Variants in HSD17B2 observed in about 807,000 individuals in gnomAD.
The protein encoded by HSD17B2 is 17-beta-hydroxysteroid dehydrogenase type 2.
In HSD17B2, 32 loss-of-function variants were observed where a neutral mutation model predicts 26.9. That is an observed-to-expected ratio of 1.19 (90% CI 0.90 to 1.60). HSD17B2 has a LOEUF of 1.60. Among genes scored for constraint, HSD17B2 ranks in the 40% most tolerant of loss-of-function variants. HSD17B2 has a pLI of 0.00. For missense variants in HSD17B2, 613 were observed against 468.6 expected (o/e 1.31, Z -2.85); for synonymous variants, 246 against 186.7 (o/e 1.32, Z -2.59).
intron 1 of HSD17B2, among the ~76,000 whole-genome samples, chr16:82,045,230 G>A (rs1913888972): frequency 6.6e-6 from 1 of 152,034 alleles, no homozygotes; most frequent in Non-Finnish European, 1.5e-5. Context: ...AAATGGTCCA[G>A]GGAGGTTTGA....
intron 3 of HSD17B2, among the ~76,000 whole-genome samples, chr16:82,084,031 G>T (rs1243007789): frequency 6.6e-6 from 1 of 152,154 alleles, no homozygotes; most frequent in Non-Finnish European, 1.5e-5. Context: ...GTGTGCAATT[G>T]CATGCTATGC....
chr16:82,037,918 ATAGT>A (rs946640822), intron 1 of HSD17B2, among the ~76,000 whole-genome samples: 2 of 152,250 alleles, frequency 1.3e-5, no homozygotes, highest in Non-Finnish European at 2.9e-5. Flanking sequence ...TGTGCTGGAA[ATAGT>A]TTGTAAATGA....
intron 1 of HSD17B2, among the ~76,000 whole-genome samples, chr16:82,059,840 A>T (rs558681102): frequency 6.6e-6 from 1 of 152,176 alleles, no homozygotes; most frequent in Non-Finnish European, 1.5e-5. Context: ...TCAGTTGCTC[A>T]TCTTAACACA....
chr16:82,057,143 G>T (rs73603062), intron 1 of HSD17B2, among the ~76,000 whole-genome samples: 9,289 of 151,878 alleles, frequency 0.061, 919 homozygotes, highest in African/African-American at 0.2. Flanking sequence ...TCCAAATAAT[G>T]TATAGAGCTA....
chr16:82,081,356 T>A (rs1346335930), intron 3 of HSD17B2, among the ~76,000 whole-genome samples: 2 of 152,096 alleles, frequency 1.3e-5, no homozygotes, highest in Non-Finnish European at 2.9e-5. Flanking sequence ...TCCTTCCTCC[T>A]CCCCACTAAC....
At chr16:82,042,613 T>A (rs1020891876) in intron 1 of HSD17B2, among the ~76,000 whole-genome samples, 26 of 151,770 alleles carry the variant, frequency 1.7e-4, no homozygotes, top group Admixed American at 3.3e-4. Context: ...ATATTATATT[T>A]TATTTTATTT....
At chr16:82,075,057 C>G (rs1904294469) in intron 3 of HSD17B2, among the ~76,000 whole-genome samples, 1 of 152,052 alleles carries the variant, frequency 6.6e-6, no homozygotes, top group Non-Finnish European at 1.5e-5. Context: ...ATTTTGGAAA[C>G]TATATAAGCA....
At chr16:82,039,057 A>G (rs1259895782) in intron 1 of HSD17B2, among the ~76,000 whole-genome samples, 1 of 152,142 alleles carries the variant, frequency 6.6e-6, no homozygotes, top group Non-Finnish European at 1.5e-5. Flanking sequence ...CTTTGGGGAA[A>G]GAATCGCAGG....
chr16:82,053,388 C>T (rs1351724643), intron 1 of HSD17B2, among the ~76,000 whole-genome samples: 1 of 152,006 alleles, frequency 6.6e-6, no homozygotes, highest in Admixed American at 6.5e-5. Context: ...AAGAGAAGAT[C>T]GAAATATCAT....
intron 2 of HSD17B2, among the ~76,000 whole-genome samples, chr16:82,069,360 G>C (rs563237550): frequency 1.3e-5 from 2 of 152,054 alleles, no homozygotes; most frequent in Admixed American, 6.6e-5. Flanking sequence ...TTGTGACTAG[G>C]GCTGCAACGA....
rs1904385200 is a variant in HSD17B2 at position 82,081,707 on chromosome 16, T to A, written c.665-9195T>A. Among the ~76,000 whole-genome samples the A allele has an allele frequency of 3.9e-5, 6 of 152,290 alleles. No homozygotes were observed. The South Asian group carries it at 1.0e-3, about 26-fold the overall frequency. On this transcript the variant is annotated intron_variant, in intron 3 of 4. Transcript: ENST00000199936. ...GTATGTCTTCCCTGAAGGTTATGAG[T>A]TATTACTATTTTTATTAATGGACAC...
At chr16:82,053,544 G>A (rs961921767) in intron 1 of HSD17B2, among the ~76,000 whole-genome samples, 5 of 152,100 alleles carry the variant, frequency 3.3e-5, no homozygotes, top group East Asian at 1.9e-4. Flanking sequence ...AGTTCATAGC[G>A]CTAGCCATGG....
At chr16:82,047,092 C>G (rs1311696181) in intron 1 of HSD17B2, among the ~76,000 whole-genome samples, 1 of 152,180 alleles carries the variant, frequency 6.6e-6, no homozygotes, top group Non-Finnish European at 1.5e-5. Context: ...ACTCCTTACC[C>G]CATAGCACCA....
chr16:82,087,892 C>G (rs1421876718), intron 3 of HSD17B2, among the ~76,000 whole-genome samples: 4 of 152,234 alleles, frequency 2.6e-5, no homozygotes, highest in African/African-American at 4.8e-5. Flanking sequence ...CGACCCCACT[C>G]TCAAGATAAT....
intron 4 of HSD17B2, chr16:82,097,225 TA>T (rs1904867193): frequency 9.5e-6 from 1 of 105,612 alleles, no homozygotes; most frequent in African/African-American, 3.1e-5. Flanking sequence ...TGTCTATGTC[TA>T]TGTCTATGTC....
chr16:82,055,756 G>C (rs1378113523), intron 1 of HSD17B2, among the ~76,000 whole-genome samples: 2 of 152,216 alleles, frequency 1.3e-5, no homozygotes, highest in East Asian at 1.9e-4. Flanking sequence ...GAGCAGAAAT[G>C]AGAAGCCTGG....
intron 1 of HSD17B2, among the ~76,000 whole-genome samples, chr16:82,039,179 G>A (rs1051931124): frequency 6.6e-6 from 1 of 151,936 alleles, no homozygotes; most frequent in African/African-American, 2.4e-5. Context: ...TGTGTGGACA[G>A]CTGTGTAAAC....
chr16:82,036,909 C>T (rs1023930746), intron 1 of HSD17B2, among the ~76,000 whole-genome samples: 13 of 152,240 alleles, frequency 8.5e-5, no homozygotes, highest in African/African-American at 3.1e-4. Flanking sequence ...TTTTCCTGTT[C>T]TGTGTCCTGT....
chr16:82,064,462 T>C (rs548462305), intron 1 of HSD17B2, among the ~76,000 whole-genome samples: 1 of 152,360 alleles, frequency 6.6e-6, no homozygotes, highest in South Asian at 2.1e-4. Flanking sequence ...AATGCTGCTA[T>C]GAACATTTGT....
Sources: allele counts gnomAD v4.1 joint callset (sites outside exome capture counted in the v4.1 genomes callset), GRCh38; gene constraint gnomAD v4.1.1; transcripts MANE v1.5; gene names NCBI Gene and HGNC (gene_info 2026-07-23, HGNC 2026-07-21).